TUSC3: variants seen among roughly 807,000 people sequenced by gnomAD.
TUSC3 encodes the protein dolichyl-diphosphooligosaccharide--protein glycosyltransferase subunit TUSC3.
In TUSC3, 45 loss-of-function variants were observed where a neutral mutation model predicts 44.8. That is an observed-to-expected ratio of 1.00 (90% CI 0.79 to 1.29). The LOEUF (loss-of-function observed/expected upper bound fraction) is 1.29, where lower values mean the gene tolerates loss of function less well. Ranked by LOEUF, TUSC3 falls within the 50% of genes most tolerant of loss-of-function variation. The pLI, the probability that TUSC3 is intolerant of heterozygous loss-of-function variation, is 0.00. For synonymous variants in TUSC3, 212 were observed against 152.9 expected (o/e 1.39, Z -2.85); for missense variants, 519 against 437.9 (o/e 1.19, Z -1.65).
chr8:15,695,970 C>G (rs1393071428), intron 6 of TUSC3, among the ~76,000 whole-genome samples: 1 of 152,086 alleles, frequency 6.6e-6, no homozygotes, highest in Non-Finnish European at 1.5e-5. Flanking sequence ...CATAAAAGTT[C>G]AGAAAATTTG....
chr8:15,654,664 G>T (rs1214088147), intron 3 of TUSC3, among the ~76,000 whole-genome samples: 1 of 152,056 alleles, frequency 6.6e-6, no homozygotes, highest in Non-Finnish European at 1.5e-5. Context: ...AGGTGTGATG[G>T]CACATGTCTG....
chr8:15,663,750 G>A (rs1229047636), intron 5 of TUSC3, among the ~76,000 whole-genome samples: 1 of 151,854 alleles, frequency 6.6e-6, no homozygotes, highest in Non-Finnish European at 1.5e-5. Context: ...GGACACTATG[G>A]ATGATCTTAA....
At chr8:15,775,021 G>A in the TUSC3 span, among the ~76,000 whole-genome samples, 4 of 152,094 alleles carry the variant, frequency 2.6e-5, no homozygotes, top group East Asian at 3.9e-4. Flanking sequence ...TTGCACAAAT[G>A]TTCATATCAC....
intron 1 of TUSC3, among the ~76,000 whole-genome samples, chr8:15,575,449 G>C (rs1803060406): frequency 1.3e-5 from 2 of 152,078 alleles, no homozygotes; most frequent in Non-Finnish European, 2.9e-5. Flanking sequence ...ATTGTAAGAG[G>C]ATAATATATA....
At chr8:15,827,743 A>G in the TUSC3 span, among the ~76,000 whole-genome samples, 1 of 152,284 alleles carries the variant, frequency 6.6e-6, no homozygotes, top group East Asian at 1.9e-4. Context: ...AGAAAAAGCC[A>G]TACCCTGAGT....
intron 7 of TUSC3, among the ~76,000 whole-genome samples, chr8:15,738,020 A>G (rs939628298): frequency 1.4e-4 from 22 of 152,246 alleles, no homozygotes; most frequent in African/African-American, 5.1e-4. Context: ...GTATCTTTAA[A>G]TAATAGGGAG....
At chr8:15,627,762 T>G (rs1001492939) in intron 2 of TUSC3, among the ~76,000 whole-genome samples, 1 of 152,248 alleles carries the variant, frequency 6.6e-6, no homozygotes, top group South Asian at 2.1e-4. Context: ...CTGCACGCCC[T>G]GCTCTAGCCA....
chr8:15,504,619 A>AT (rs1461016616), intron 2 of TUSC3, among the ~76,000 whole-genome samples: 1 of 16,394 alleles, frequency 6.1e-5, no homozygotes, highest in East Asian at 2.6e-3. Flanking sequence ...ATATATATAT[A>AT]TATTTTTTTT....
At chr8:15,708,676 T>G (rs1214835245) in intron 6 of TUSC3, among the ~76,000 whole-genome samples, 1 of 151,960 alleles carries the variant, frequency 6.6e-6, no homozygotes, top group African/African-American at 2.4e-5. Context: ...GAGAATTGGG[T>G]TAAACAGTCA....
chr8:15,758,024 C>A, intron 10 of TUSC3, 169 bp downstream of exon 10: 1 of 1,413,420 alleles, frequency 7.1e-7, no homozygotes, highest in Non-Finnish European at 9.2e-7. Flanking sequence ...TGTTTATCTG[C>A]CACAGGGAGA....
At chr8:15,455,680 A>T (rs1478063076) in intron 1 of TUSC3, among the ~76,000 whole-genome samples, 2 of 152,274 alleles carry the variant, frequency 1.3e-5, no homozygotes, top group East Asian at 3.9e-4. Context: ...CAGTGAGAAA[A>T]TTACATCAGT....
intron 6 of TUSC3, among the ~76,000 whole-genome samples, chr8:15,678,135 A>G (rs1312266107): frequency 6.6e-6 from 1 of 152,124 alleles, no homozygotes; most frequent in Admixed American, 6.5e-5. Context: ...ATGTATGTCA[A>G]CTTTCCTACT....
chr8:15,451,553 G>A (rs1800197237), intron 1 of TUSC3, among the ~76,000 whole-genome samples: 1 of 152,170 alleles, frequency 6.6e-6, no homozygotes, highest in Admixed American at 6.5e-5. Flanking sequence ...GGCACAGCGG[G>A]AGAGTGCATA....
chr8:15,569,646 G>A (rs1429088), intron 1 of TUSC3, among the ~76,000 whole-genome samples: 23,553 of 152,096 alleles, frequency 0.15, 2,195 homozygotes, highest in Non-Finnish European at 0.21. Context: ...GAGTAAACTG[G>A]GACTTTCCCT....
At chr8:15,768,786 A>G (rs561008030), downstream of TUSC3, among the ~76,000 whole-genome samples, 18 of 152,200 alleles carry the variant, frequency 1.2e-4, no homozygotes, top group Non-Finnish European at 2.5e-4. Flanking sequence ...AAGAATTTCT[A>G]TATCCCAATA....
chr8:15,802,459 G>T, the TUSC3 span, among the ~76,000 whole-genome samples: 1 of 152,012 alleles, frequency 6.6e-6, no homozygotes, highest in African/African-American at 2.4e-5. Context: ...GTCTTGCACT[G>T]TCGCCAGGCT....
intron 1 of TUSC3, among the ~76,000 whole-genome samples, chr8:15,605,869 C>A (rs1222363198): frequency 1.3e-5 from 2 of 151,948 alleles, no homozygotes; most frequent in Non-Finnish European, 2.9e-5. Context: ...GTCATAACTT[C>A]GTAGCTGCAT....
rs555786273 is a variant in TUSC3 at position 15,633,031 on chromosome 8, G to T, written c.308+9782G>T. The stretch of plus-strand genomic sequence containing the variant: ...AACTTAGCTAGGTGTACGCTTTACT[G>T]CTGAGGTAGTATTATTGCTTTGAGG... On this transcript the variant is annotated intron_variant, in intron 2 of 10. Coordinates refer to ENST00000503731, the MANE Select transcript of TUSC3 (RefSeq NM_006765.4). 1.1e-4 allele frequency among the ~76,000 whole-genome samples: 16 copies of T among 152,314 alleles called. No homozygotes were observed. The South Asian group carries it at 3.1e-3, about 30-fold the overall frequency.
chr8:15,606,517 T>A (rs11778308), intron 1 of TUSC3, among the ~76,000 whole-genome samples: 36,196 of 151,918 alleles, frequency 0.24, 4,617 homozygotes, highest in Non-Finnish European at 0.29. Context: ...TTAGCATGTA[T>A]GTAAAAAAGT....
Sources: allele counts gnomAD v4.1 joint callset (sites outside exome capture counted in the v4.1 genomes callset), GRCh38; gene constraint gnomAD v4.1.1; transcripts MANE v1.5; gene names NCBI Gene and HGNC (gene_info 2026-07-23, HGNC 2026-07-21).